Variants in GABRB2 observed in about 807,000 individuals in gnomAD.
GABRB2 encodes the protein gamma-aminobutyric acid receptor subunit beta-2.
In GABRB2, 16 loss-of-function variants were observed where a neutral mutation model predicts 54.7. The observed-to-expected ratio is 0.29, with a 90% CI of 0.20 to 0.44. The LOEUF (loss-of-function observed/expected upper bound fraction) is 0.44. Among genes scored for constraint, GABRB2 ranks in the 20% least tolerant of loss-of-function variants. The pLI is 1.00. For missense variants in GABRB2, 355 were observed against 644.0 expected, an observed-to-expected ratio of 0.55 and a Z score of 4.86; for synonymous variants, 244 against 233.8, an observed-to-expected ratio of 1.04 and a Z score of -0.40.
chr5:161,341,937 T>TTATATATATA (rs1237952955), intron 5 of GABRB2, among the ~76,000 whole-genome samples: 2,599 of 75,144 alleles, frequency 0.035, 49 homozygotes, highest in East Asian at 0.083. Flanking sequence ...ATTTTTTCTT[T>TTATATATATA]TATATATATA....
intron 5 of GABRB2, among the ~76,000 whole-genome samples, chr5:161,405,756 A>G (rs997418601): frequency 2.6e-5 from 4 of 152,104 alleles, no homozygotes; most frequent in African/African-American, 9.7e-5. Context: ...AATCTATAGC[A>G]TAACCCAATA....
chr5:161,353,705 GGT>G (rs1232037000), intron 5 of GABRB2, among the ~76,000 whole-genome samples: 2 of 151,856 alleles, frequency 1.3e-5, no homozygotes, highest in South Asian at 2.1e-4. Flanking sequence ...CAATGTACAT[GGT>G]GTCTTTGTGC....
chr5:161,354,917 C>T (rs568313425), intron 5 of GABRB2, among the ~76,000 whole-genome samples: 2 of 152,094 alleles, frequency 1.3e-5, no homozygotes, highest in South Asian at 2.1e-4. Flanking sequence ...TTCCCCTGCT[C>T]TTTAAGCCAA....
intron 5 of GABRB2, among the ~76,000 whole-genome samples, chr5:161,369,176 C>T (rs552665182): frequency 2.2e-4 from 34 of 152,228 alleles, no homozygotes; most frequent in South Asian, 1.0e-3. Flanking sequence ...ATAAAGTTCC[C>T]GGTTTCTCTC....
chr5:161,504,056 A>G (rs1056205552), intron 3 of GABRB2, among the ~76,000 whole-genome samples: 1 of 152,188 alleles, frequency 6.6e-6, no homozygotes, highest in African/African-American at 2.4e-5. Flanking sequence ...TAAATGAAGC[A>G]AAAACTTACC....
intron 3 of GABRB2, among the ~76,000 whole-genome samples, chr5:161,503,413 G>A (rs1759507298): frequency 6.6e-6 from 1 of 152,102 alleles, no homozygotes; most frequent in African/African-American, 2.4e-5. Context: ...ATAGTAATAA[G>A]GTTGGTTTAA....
intron 5 of GABRB2, among the ~76,000 whole-genome samples, chr5:161,389,975 A>T (rs1755770326): frequency 6.6e-6 from 1 of 152,084 alleles, no homozygotes; most frequent in African/African-American, 2.4e-5. Flanking sequence ...AGTATTAACA[A>T]AAACAGTAAT....
At chr5:161,385,669 A>G (rs1321493913) in intron 5 of GABRB2, among the ~76,000 whole-genome samples, 1 of 152,278 alleles carries the variant, frequency 6.6e-6, no homozygotes, top group East Asian at 1.9e-4. Context: ...CCCTGCGTTA[A>G]CTACTAGGTA....
At chr5:161,368,960 G>A (rs745747536) in intron 5 of GABRB2, among the ~76,000 whole-genome samples, 24 of 152,132 alleles carry the variant, frequency 1.6e-4, no homozygotes, top group Admixed American at 8.5e-4. Context: ...GCCCTGCATA[G>A]CAAATTGTAT....
intron 5 of GABRB2, among the ~76,000 whole-genome samples, chr5:161,367,654 T>C (rs1264916425): frequency 2.0e-5 from 3 of 152,204 alleles, no homozygotes; most frequent in Non-Finnish European, 4.4e-5. Context: ...ATTTATTATA[T>C]GTTGCATCTT....
chr5:161,472,041 C>T (rs1305678805), intron 3 of GABRB2, among the ~76,000 whole-genome samples: 2 of 151,728 alleles, frequency 1.3e-5, no homozygotes, highest in Non-Finnish European at 2.9e-5. Flanking sequence ...CCCGAGACAC[C>T]ATGTTTCATA....
At chr5:161,339,898 C>G (rs1362031467) in intron 5 of GABRB2, among the ~76,000 whole-genome samples, 1 of 151,932 alleles carries the variant, frequency 6.6e-6, no homozygotes, top group Non-Finnish European at 1.5e-5. Context: ...TTTTTTCCCA[C>G]TGCATTCCCT....
At chr5:161,506,103 G>C (rs765257831) in intron 3 of GABRB2, among the ~76,000 whole-genome samples, 2 of 151,944 alleles carry the variant, frequency 1.3e-5, no homozygotes, top group Non-Finnish European at 1.5e-5. Flanking sequence ...AATAAAGGAC[G>C]TTAGAAAGCT....
At chr5:161,505,177 G>A (rs1180667314) in intron 3 of GABRB2, among the ~76,000 whole-genome samples, 1 of 148,742 alleles carries the variant, frequency 6.7e-6, no homozygotes, top group African/African-American at 2.5e-5. Flanking sequence ...CTCTCAGGCT[G>A]GAGTCCAATG....
At chr5:161,397,526 G>C (rs918202738) in intron 5 of GABRB2, among the ~76,000 whole-genome samples, 2 of 152,128 alleles carry the variant, frequency 1.3e-5, no homozygotes, top group South Asian at 4.1e-4. Context: ...GAGTGGCTTT[G>C]TGTCTTAATT....
intron 4 of GABRB2, among the ~76,000 whole-genome samples, chr5:161,447,675 A>G (rs1172489809): frequency 6.6e-6 from 1 of 152,156 alleles, no homozygotes; most frequent in Non-Finnish European, 1.5e-5. Flanking sequence ...TTTATATGTG[A>G]TCTCCAAAAT....
intron 5 of GABRB2, among the ~76,000 whole-genome samples, chr5:161,406,697 T>A (rs2113100341): frequency 6.6e-6 from 1 of 152,114 alleles, no homozygotes; most frequent in Admixed American, 6.6e-5. Context: ...AGGGAGTGAC[T>A]TTGCCAGTGT....
chr5:161,472,671 GT>G (rs1308978147), intron 3 of GABRB2, among the ~76,000 whole-genome samples: 1 of 151,864 alleles, frequency 6.6e-6, no homozygotes, highest in Non-Finnish European at 1.5e-5. Context: ...AGCATCCCTA[GT>G]TTTGGCAGAG....
intron 3 of GABRB2, among the ~76,000 whole-genome samples, chr5:161,542,004 T>C (rs1217404865): frequency 6.6e-6 from 1 of 152,178 alleles, no homozygotes; most frequent in Admixed American, 6.5e-5. Context: ...TGTAGGGCTG[T>C]GAATTGGCCC....
Sources: gnomAD v4.1 joint callset for allele counts (sites outside exome capture counted in the v4.1 genomes callset) on GRCh38, gnomAD v4.1.1 for gene constraint, MANE v1.5 for transcripts, NCBI Gene and HGNC (gene_info 2026-07-23, HGNC 2026-07-21) for gene names.